EML5: variants seen among roughly 807,000 people sequenced by gnomAD.
The protein encoded by EML5 is EMAP like 5.
EML5 carries 120 observed loss-of-function variants against 250.0 expected under a neutral mutation model. The observed-to-expected ratio is 0.48, with a 90% CI of 0.41 to 0.56. The LOEUF (loss-of-function observed/expected upper bound fraction) is 0.56, where lower values mean the gene tolerates loss of function less well. Ranked by LOEUF, EML5 falls within the 20% of genes least tolerant of loss-of-function variation. The pLI, the probability that EML5 is intolerant of heterozygous loss-of-function variation, is 0.00. For synonymous variants in EML5, 771 were observed against 806.5 expected (o/e 0.96, Z 0.75); for missense variants, 2,006 against 2,437.6 (o/e 0.82, Z 3.73).
At chr14:88,670,944 T>G (rs1213565553) in intron 21 of EML5, among the ~76,000 whole-genome samples, 2 of 151,962 alleles carry the variant, frequency 1.3e-5, no homozygotes, top group African/African-American at 4.8e-5. Context: ...AACCTATGAC[T>G]GACTGGGGTA....
At chr14:88,616,904 CTCA>C in intron 41 of EML5, 25 bp from the exon 42 acceptor site, 1 of 1,609,498 alleles carries the variant, frequency 6.2e-7, no homozygotes. Context: ...CAAAAGAAAA[CTCA>C]TCATGGCAAG....
intron 10 of EML5, among the ~76,000 whole-genome samples, chr14:88,710,323 C>T (rs933582131): frequency 2.0e-5 from 3 of 152,178 alleles, no homozygotes; most frequent in Non-Finnish European, 4.4e-5. Flanking sequence ...GTTTCAATTA[C>T]AATGATTCTA....
chr14:88,665,925 T>A (rs1375128807), intron 21 of EML5, among the ~76,000 whole-genome samples: 1 of 151,948 alleles, frequency 6.6e-6, no homozygotes, highest in Non-Finnish European at 1.5e-5. Flanking sequence ...AAAAAAATAT[T>A]TGCTAAAAAG....
At chr14:88,695,332 G>T in intron 16 of EML5, 29 bp downstream of exon 16, 1 of 1,564,154 alleles carries the variant, frequency 6.4e-7, no homozygotes, top group Non-Finnish European at 8.7e-7. Context: ...CTAGTATTTT[G>T]CAAATGTGAT....
At chr14:88,749,274 T>C (rs576363066) in intron 2 of EML5, among the ~76,000 whole-genome samples, 5 of 152,238 alleles carry the variant, frequency 3.3e-5, no homozygotes, top group African/African-American at 1.2e-4. Flanking sequence ...TAGAAGACAA[T>C]GGACAAACAG....
intron 28 of EML5, among the ~76,000 whole-genome samples, chr14:88,647,192 C>T (rs993916043): frequency 2.6e-5 from 4 of 151,870 alleles, no homozygotes; most frequent in Admixed American, 1.3e-4. Flanking sequence ...GAAATCCCGT[C>T]TCTACTAAAA....
intron 18 of EML5, 130 bp from the exon 19 acceptor site, chr14:88,687,457 T>A (rs1320916142): frequency 4.7e-6 from 3 of 632,118 alleles, no homozygotes; most frequent in Non-Finnish European, 5.3e-6. Flanking sequence ...AGAACAGGAA[T>A]TAGCTTAAGA....
chr14:88,783,831 A>C (rs569692173), intron 1 of EML5, among the ~76,000 whole-genome samples: 1 of 152,348 alleles, frequency 6.6e-6, no homozygotes, highest in South Asian at 2.1e-4. Context: ...TATTTGCAGA[A>C]TATTTCATCC....
intron 1 of EML5, among the ~76,000 whole-genome samples, chr14:88,783,488 T>C (rs2094518994): frequency 6.6e-6 from 1 of 152,080 alleles, no homozygotes; most frequent in Admixed American, 6.5e-5. Context: ...AGATATTCCA[T>C]GCCAATAGAA....
Position 88,742,713 on chromosome 14 carries a change from C to A in EML5, c.525+1310G>T, listed in dbSNP as rs114994232. ...ACAAGACAAAAATACCTTCACAGTG[C>A]TTATATCATGTGCCTTAAAGCCCAG... On this transcript the variant is annotated intron_variant, in intron 4 of 43. Transcript: ENST00000554922. Among the ~76,000 whole-genome samples, 277 of 152,200 alleles carry A rather than the reference C, an allele frequency of 1.8e-3. 3 individuals are homozygous for A. The highest frequency in any genetic ancestry group is 5.9e-3 in the African/African-American group (246 of 41,566).
chr14:88,647,559 T>C (rs2091413230), intron 28 of EML5, among the ~76,000 whole-genome samples: 1 of 151,252 alleles, frequency 6.6e-6, no homozygotes, highest in Non-Finnish European at 1.5e-5. Context: ...TAGCCAGGCC[T>C]GTGGCACCTA....
At chr14:88,713,335 T>C (rs1210943865) in intron 9 of EML5, among the ~76,000 whole-genome samples, 1 of 151,680 alleles carries the variant, frequency 6.6e-6, no homozygotes, top group Non-Finnish European at 1.5e-5. Flanking sequence ...GAGGCTGTAG[T>C]GAGCTAAGAA....
chr14:88,767,698 T>G (rs747497592), intron 1 of EML5, among the ~76,000 whole-genome samples: 10 of 152,184 alleles, frequency 6.6e-5, no homozygotes, highest in Admixed American at 2.0e-4. Context: ...TTTAATTTTT[T>G]TAAGAAGTGT....
At chr14:88,629,597 A>C (rs1284237382) in intron 33 of EML5, among the ~76,000 whole-genome samples, 1 of 152,224 alleles carries the variant, frequency 6.6e-6, no homozygotes, top group East Asian at 1.9e-4. Flanking sequence ...CTTGGGTAAC[A>C]CATAAACAAT....
At position 88,671,699 on chromosome 14, in the gene EML5, G is replaced by A. The variant is rs567661905; in HGVS notation, c.3125-6210C>T. On this transcript the variant is annotated intron_variant, in intron 21 of 43. Coordinates refer to ENST00000554922, the MANE Select transcript of EML5 (RefSeq NM_183387.3). The stretch of plus-strand genomic sequence containing the variant: ...ACATACAGGCTCAAAATAAAGGGAT[G>A]GAGGAAAATTTACCAAGCAAATGGA... Among the ~76,000 whole-genome samples, 8 of 152,252 alleles carry A rather than the reference G, an allele frequency of 5.3e-5. No individual in the cohort carries two copies. In the South Asian group the frequency reaches 1.0e-3, roughly 20 times the overall value.
In EML5 at chr14:88,616,261, C is replaced by G; in HGVS notation, c.5797-19G>C. 1 of 1,611,196 alleles carries G rather than the reference C, an allele frequency of 6.2e-7. No homozygotes were observed. Among genetic ancestry groups the G allele is most frequent in the South Asian group, 1.1e-5 (1 of 90,986 alleles). On this transcript the variant is annotated intron_variant, in intron 42 of 43. Transcript: ENST00000554922. Reference sequence around the variant, plus strand: ...GTTTTGCCTAAAAAACAATGACAGACAAGCTCAGGGCATTTGGTGCACACA... The same window carrying G: ...GTTTTGCCTAAAAAACAATGACAGAGAAGCTCAGGGCATTTGGTGCACACA...
At position 88,614,946 on chromosome 14, in the gene EML5, T is replaced by C. The variant is rs2087352672; in HGVS notation, c.*872A>G. The C allele has an allele frequency of 6.6e-6, 1 of 152,348 alleles. No individual in the cohort carries two copies. The highest frequency in any genetic ancestry group is 1.5e-5 in the Non-Finnish European group (1 of 68,028). The allele number at this position is 152,348 out of a possible 1,614,324, so 9.4% of individuals were successfully genotyped here. A position where few individuals can be genotyped will look rare whatever the true frequency, so the allele number is the denominator to read the frequency against. On this transcript the variant is annotated 3_prime_UTR_variant, in exon 44 of 44. Coordinates refer to ENST00000554922, the MANE Select transcript of EML5 (RefSeq NM_183387.3). ...TATATGTGAATTTAACACTTTTGTT[T>C]ACATGTTAAACAAATGTGTATATAT... is the stretch of plus-strand genomic sequence containing the variant.
Position 88,724,255 on chromosome 14 carries a change from C to T in EML5, c.1187+2286G>A, listed in dbSNP as rs111938176. On this transcript the variant is annotated intron_variant, in intron 8 of 43. Coordinates refer to ENST00000554922, the MANE Select transcript of EML5 (RefSeq NM_183387.3). ...GCGCCACTGTACTCCAGCCTTGTGACAGAGCAAGACTCCATATCAAAAAAA... is the reference window on the plus strand; with the variant it reads ...GCGCCACTGTACTCCAGCCTTGTGATAGAGCAAGACTCCATATCAAAAAAA... Among the ~76,000 whole-genome samples, 210 of 127,336 alleles carry T rather than the reference C, an allele frequency of 1.6e-3. 1 individual carries two copies. Among genetic ancestry groups the T allele is most frequent in the Middle Eastern group, 6.9e-3 (1 of 144 alleles). The allele number at this position is 127,336 out of a possible 152,430, so 83.5% of individuals were successfully genotyped here. A position where few individuals can be genotyped will look rare whatever the true frequency, so the allele number is the denominator to read the frequency against.
intron 8 of EML5, among the ~76,000 whole-genome samples, chr14:88,724,839 A>G (rs1195603152): frequency 6.6e-6 from 1 of 152,192 alleles, no homozygotes; most frequent in Admixed American, 6.5e-5. Flanking sequence ...CCAATGAGAA[A>G]AAGAACAGAT....
Sources: allele counts gnomAD v4.1 joint callset (sites outside exome capture counted in the v4.1 genomes callset), GRCh38; gene constraint gnomAD v4.1.1; transcripts MANE v1.5; gene names NCBI Gene and HGNC (gene_info 2026-07-23, HGNC 2026-07-21).